HOXD4: variants seen among roughly 807,000 people sequenced by gnomAD.
The protein encoded by HOXD4 is homeobox protein Hox-D4.
In HOXD4, 15 loss-of-function variants were observed where a neutral mutation model predicts 22.6. The ratio of observed to expected loss-of-function variants is 0.67; its 90% CI spans 0.45 to 1.02. The LOEUF (loss-of-function observed/expected upper bound fraction) is 1.02. HOXD4 is among the 50% of genes least tolerant of loss of function. HOXD4 has a pLI of 0.00. For missense variants in HOXD4, 350 were observed against 346.6 expected (o/e 1.01, Z -0.08); for synonymous variants, 176 against 157.0 (o/e 1.12, Z -0.90).
Position 176,151,875 on chromosome 2 carries a change from A to T in HOXD4, c.242A>T (p.Glu81Val), listed in dbSNP as rs104893636. Residue 81 changes from glutamate (E) to valine (V), a missense_variant, in exon 1 of 2, where the codon GAG (glutamate) becomes GTG (valine). By Grantham distance (121) the Glu-to-Val change is moderately radical. Coordinates refer to ENST00000306324, the MANE Select transcript of HOXD4 (RefSeq NM_014621.3). ...SALPARGHGQ[E>V]PGGPGGHYAA... Reference sequence around the variant, plus strand: ...CTGCCTGCGCGGGGTCACGGACAAGAGCCAGGCGGCCCCGGCGGTCACTAC... The same window carrying T: ...CTGCCTGCGCGGGGTCACGGACAAGTGCCAGGCGGCCCCGGCGGTCACTAC... 1.4e-3 allele frequency: 2,261 copies of T among 1,585,294 alleles called. No homozygotes were observed. Among genetic ancestry groups the T allele is most frequent in the Non-Finnish European group, 1.8e-3 (2,100 of 1,165,486 alleles).
chr2:176,151,571 C>A lies in HOXD4; in HGVS notation c.-63C>A. 7.1e-7 allele frequency: 1 copy of A among 1,410,842 alleles called. No individual in the cohort carries two copies. Among genetic ancestry groups the A allele is most frequent in the Non-Finnish European group, 1.0e-6 (1 of 998,024 alleles). The allele number at this position is 1,410,842 out of a possible 1,614,324, so 87.4% of individuals were successfully genotyped here. ...ATTCAGTTGACAGCAAGTAGGAGGG[C>A]CCTATGGAAGGAGAAAAAAAGACAA... is the stretch of plus-strand genomic sequence containing the variant. On this transcript the variant is annotated 5_prime_UTR_variant, in exon 1 of 2. Coordinates refer to ENST00000306324, the MANE Select transcript of HOXD4 (RefSeq NM_014621.3).
chr2:176,152,996 C>A lies in HOXD4; in HGVS notation c.*54C>A. ...TGCGCACCAGGCTGAGCCGAAGCTG[C>A]GGGGGCAGGCCGGGCCTGCTGTCAC... On this transcript the variant is annotated 3_prime_UTR_variant, in exon 2 of 2. Transcript: ENST00000306324. This position sits in a 1 kb window ranked among gnomAD's most constrained non-coding sequence, Gnocchi z 5.2. The A allele has an allele frequency of 6.4e-7, 1 of 1,564,944 alleles. No individual in the cohort carries two copies. The highest frequency in any genetic ancestry group is 8.8e-7 in the Non-Finnish European group (1 of 1,135,614).
At position 176,152,458 on chromosome 2, in the gene HOXD4, G is replaced by T; in HGVS notation, c.434-150G>T. On this transcript the variant is annotated intron_variant, in intron 1 of 1. Coordinates refer to ENST00000306324, the MANE Select transcript of HOXD4 (RefSeq NM_014621.3). This position sits in a 1 kb window ranked among gnomAD's most constrained non-coding sequence, Gnocchi z 5.2. ...GGTGGGAGTGAGCGTGTGCGCCGGG[G>T]AGAGGGCGGGAGGGAGGAAGCAAGC... The T allele has an allele frequency of 1.4e-6, 1 of 709,092 alleles. No homozygotes were observed. The highest frequency in any genetic ancestry group is 1.5e-5 in the South Asian group (1 of 66,750). 43.9% of individuals were successfully genotyped at this position (709,092 alleles called of 1,614,324 possible).
At position 176,152,640 on chromosome 2, in the gene HOXD4, C is replaced by A. The variant is rs1456398188; in HGVS notation, c.466C>A (p.Arg156=). 1.9e-6 allele frequency: 3 copies of A among 1,614,070 alleles called. No homozygotes were observed. Among genetic ancestry groups the A allele is most frequent in the South Asian group, 1.1e-5 (1 of 91,080 alleles). Residue 156 remains arginine, a synonymous_variant, in exon 2 of 2, where the codon CGG becomes AGG. Coordinates refer to ENST00000306324, the MANE Select transcript of HOXD4 (RefSeq NM_014621.3). This position sits in a 1 kb window ranked among gnomAD's most constrained non-coding sequence, Gnocchi z 5.2. ...NPNYTGGEPK[R]SRTAYTRQQV... Reference sequence around the variant, plus strand: ...CAACTACACCGGTGGGGAACCCAAGCGGTCCCGAACGGCCTACACCCGGCA... The same window carrying A: ...CAACTACACCGGTGGGGAACCCAAGAGGTCCCGAACGGCCTACACCCGGCA...
At position 176,153,159 on chromosome 2, in the gene HOXD4, A is replaced by G. The variant is rs921221103; in HGVS notation, c.*217A>G. On this transcript the variant is annotated 3_prime_UTR_variant, in exon 2 of 2. Coordinates refer to ENST00000306324, the MANE Select transcript of HOXD4 (RefSeq NM_014621.3). ...GAGGGGGGGCGGGATTCTCTCTCTA[A>G]GTATATTATATGGCAGGAGCTACTG... The G allele has an allele frequency of 1.7e-6, 1 of 582,424 alleles. No homozygotes were observed. Among genetic ancestry groups the G allele is most frequent in the Non-Finnish European group, 3.1e-6 (1 of 325,606 alleles). The allele number at this position is 582,424 out of a possible 1,614,324, so 36.1% of individuals were successfully genotyped here. A position where few individuals can be genotyped will look rare whatever the true frequency, so the allele number is the denominator to read the frequency against.
At position 176,152,892 on chromosome 2, in the gene HOXD4, C is replaced by G. The variant is rs763200266; in HGVS notation, c.718C>G (p.His240Asp). 1.1e-5 allele frequency: 17 copies of G among 1,614,114 alleles called. No individual in the cohort carries two copies. Among genetic ancestry groups the G allele is most frequent in the Non-Finnish European group, 1.4e-5 (17 of 1,180,050 alleles). The change falls in exon 2 of 2, where the codon CAT becomes GAT. Residue 240 changes from histidine to aspartate, a missense_variant. Transcript: ENST00000306324. The surrounding 1 kb of genome is among the most constrained non-coding windows in gnomAD (Gnocchi z 5.2). ...SCSSSVAPSQ[H>D]LQPMAKDHHT... ...CTCCTCCTCAGTCGCCCCCAGCCAG[C>G]ATTTACAGCCGATGGCCAAAGACCA...
At position 176,152,057 on chromosome 2, in the gene HOXD4, G is replaced by A. The variant is rs375984352; in HGVS notation, c.424G>A (p.Val142Met). 4.3e-6 allele frequency: 7 copies of A among 1,613,226 alleles called. No individual in the cohort carries two copies. Among genetic ancestry groups the A allele is most frequent in the African/African-American group, 4.0e-5 (3 of 74,926 alleles). ...VVYPWMKKVH[V>M]NSVNPNYTGG... Reference sequence around the variant, plus strand: ...CTACCCCTGGATGAAGAAGGTGCACGTGAATTCGGGTAAGGCTAGGGTCCA... The same window carrying A: ...CTACCCCTGGATGAAGAAGGTGCACATGAATTCGGGTAAGGCTAGGGTCCA... The change falls in exon 1 of 2, where the codon GTG becomes ATG. Residue 142 changes from valine to methionine, a missense_variant. Val to Met is a conservative substitution (Grantham distance 21). Coordinates refer to ENST00000306324, the MANE Select transcript of HOXD4 (RefSeq NM_014621.3). The surrounding 1 kb of genome is among the most constrained non-coding windows in gnomAD (Gnocchi z 5.2).
rs1690552053 is a variant in HOXD4 at position 176,152,345 on chromosome 2, G to A, written c.434-263G>A. On this transcript the variant is annotated intron_variant, in intron 1 of 1. Coordinates refer to ENST00000306324, the MANE Select transcript of HOXD4 (RefSeq NM_014621.3). This position sits in a 1 kb window ranked among gnomAD's most constrained non-coding sequence, Gnocchi z 5.2. ...AGCGGGGGATTTCCAAAATGCTTGA[G>A]GGTTCCGGACCTGGTGGTGGGCCCA... Among the ~76,000 whole-genome samples, 2 of 152,076 alleles carry A rather than the reference G, an allele frequency of 1.3e-5. No homozygotes were observed. The highest frequency in any genetic ancestry group is 4.1e-4 in the South Asian group (2 of 4,828).
At position 176,153,022 on chromosome 2, in the gene HOXD4, C is replaced by T; in HGVS notation, c.*80C>T. 7.3e-7 allele frequency: 1 copy of T among 1,370,428 alleles called. No homozygotes were observed. Among genetic ancestry groups the T allele is most frequent in the Non-Finnish European group, 1.0e-6 (1 of 960,624 alleles). The allele number at this position is 1,370,428 out of a possible 1,614,324, so 84.9% of individuals were successfully genotyped here. On this transcript the variant is annotated 3_prime_UTR_variant, in exon 2 of 2. Coordinates refer to ENST00000306324, the MANE Select transcript of HOXD4 (RefSeq NM_014621.3). The stretch of plus-strand genomic sequence containing the variant: ...GGGGGCAGGCCGGGCCTGCTGTCAC[C>T]TCGCTGGGCTCTAAGGTACTGTGGG...
In HOXD4 at chr2:176,151,779, C is replaced by T. The variant is rs746810203; in HGVS notation, c.146C>T (p.Pro49Leu). 2 of 1,612,426 alleles carry T rather than the reference C, an allele frequency of 1.2e-6. No individual in the cohort carries two copies. The highest frequency in any genetic ancestry group is 1.7e-6 in the Non-Finnish European group (2 of 1,179,674). Reference protein sequence around the residue: ...GGAQGADFQPPGLYPRPDFGE... With the variant: ...GGAQGADFQPLGLYPRPDFGE... ...GCGCAGGGCGCAGACTTCCAGCCCC[C>T]GGGGCTCTACCCACGGCCCGACTTC... Residue 49 changes from proline to leucine, a missense_variant, in exon 1 of 2, where the codon CCG becomes CTG. Pro to Leu is a moderately conservative substitution (Grantham distance 98). Transcript: ENST00000306324.
Position 176,153,055 on chromosome 2 carries a change from T to C in HOXD4, c.*113T>C. 2 of 903,502 alleles carry C rather than the reference T, an allele frequency of 2.2e-6. No homozygotes were observed. The highest frequency in any genetic ancestry group is 3.3e-6 in the Non-Finnish European group (2 of 602,148). The allele number at this position is 903,502 out of a possible 1,614,324, so 56.0% of individuals were successfully genotyped here. Reference sequence around the variant, plus strand: ...GCTCTAAGGTACTGTGGGGTGGACCTGGGACAAGCAGGCCGCCCTCGGACT... The same window carrying C: ...GCTCTAAGGTACTGTGGGGTGGACCCGGGACAAGCAGGCCGCCCTCGGACT... On this transcript the variant is annotated 3_prime_UTR_variant, in exon 2 of 2. Transcript: ENST00000306324.
chr2:176,152,831 A>G lies in HOXD4; in HGVS notation c.657A>G (p.Lys219=), dbSNP rs1377414961. The part of the protein sequence containing the change: ...WKKDHKLPNT[K]GRSSSSSSSS... ...AAGATCATAAGCTGCCCAACACTAA[A>G]GGCAGGTCATCGTCCTCATCTTCCT... The change falls in exon 2 of 2, where the codon AAA becomes AAG. Residue 219 remains lysine (K), a synonymous_variant. Coordinates refer to ENST00000306324, the MANE Select transcript of HOXD4 (RefSeq NM_014621.3). The surrounding 1 kb of genome is among the most constrained non-coding windows in gnomAD (Gnocchi z 5.2). The G allele has an allele frequency of 6.2e-7, 1 of 1,614,178 alleles. No homozygotes were observed. The highest frequency in any genetic ancestry group is 1.1e-5 in the South Asian group (1 of 91,076).
chr2:176,151,952 C>T lies in HOXD4; in HGVS notation c.319C>T (p.Leu107=), dbSNP rs1258040588. 5 of 1,610,794 alleles carry T rather than the reference C, an allele frequency of 3.1e-6. No individual in the cohort carries two copies. The African/African-American group carries it at 6.7e-5, about 22-fold the overall frequency. ...PAPPAPPPAP[L]PGARAYSQSD... ...TCCCCCGGCGCCTCCGCCGGCGCCC[C>T]TGCCTGGCGCCCGGGCCTACAGTCA... is the stretch of plus-strand genomic sequence containing the variant. Residue 107 remains leucine, a synonymous_variant, in exon 1 of 2, where the codon CTG becomes TTG. Transcript: ENST00000306324.
At position 176,151,868 on chromosome 2, in the gene HOXD4, G is replaced by C; in HGVS notation, c.235G>C (p.Gly79Arg). 6.3e-7 allele frequency: 1 copy of C among 1,586,672 alleles called. No homozygotes were observed. ...CTCGGCGCTGCCTGCGCGGGGTCACGGACAAGAGCCAGGCGGCCCCGGCGG... is the reference window on the plus strand; with the variant it reads ...CTCGGCGCTGCCTGCGCGGGGTCACCGACAAGAGCCAGGCGGCCCCGGCGG... ...PGSALPARGH[G>R]QEPGGPGGHY... Residue 79 changes from glycine (G) to arginine (R), a missense_variant, in exon 1 of 2, where the codon GGA (glycine) becomes CGA (arginine). Coordinates refer to ENST00000306324, the MANE Select transcript of HOXD4 (RefSeq NM_014621.3).
In HOXD4 at chr2:176,152,057, G is replaced by T. The variant is rs375984352; in HGVS notation, c.424G>T (p.Val142Leu). The change falls in exon 1 of 2, where the codon GTG becomes TTG. Residue 142 changes from valine (V) to leucine (L), a missense_variant. Val to Leu is a conservative substitution (Grantham distance 32). Coordinates refer to ENST00000306324, the MANE Select transcript of HOXD4 (RefSeq NM_014621.3). This position sits in a 1 kb window ranked among gnomAD's most constrained non-coding sequence, Gnocchi z 5.2. ...VVYPWMKKVHVNSVNPNYTGG... is the reference protein window; with the variant it reads ...VVYPWMKKVHLNSVNPNYTGG... ...CTACCCCTGGATGAAGAAGGTGCAC[G>T]TGAATTCGGGTAAGGCTAGGGTCCA... The T allele has an allele frequency of 3.7e-6, 6 of 1,613,226 alleles. No homozygotes were observed. In the East Asian group the frequency reaches 1.1e-4, roughly 30 times the overall value.
Position 176,152,909 on chromosome 2 carries a change from C to CA in HOXD4, c.738dup (p.Asp247ArgfsTer57), listed in dbSNP as rs1690573097. ...CCAGCCAGCATTTACAGCCGATGGC[C>CA]AAAGACCACCACACGGACCTGACGA... On this transcript the variant is annotated frameshift_variant, in exon 2 of 2. Coordinates refer to ENST00000306324, the MANE Select transcript of HOXD4 (RefSeq NM_014621.3). LOFTEE classifies it high-confidence loss of function. This position sits in a 1 kb window ranked among gnomAD's most constrained non-coding sequence, Gnocchi z 5.2. 1.9e-6 allele frequency: 3 copies of CA among 1,614,084 alleles called. No homozygotes were observed. In the Admixed American group the frequency reaches 5.0e-5, roughly 27 times the overall value.
In HOXD4 at chr2:176,153,176, G is replaced by A. The variant is rs1690581184; in HGVS notation, c.*234G>A. 1 of 558,820 alleles carries A rather than the reference G, an allele frequency of 1.8e-6. No individual in the cohort carries two copies. Among genetic ancestry groups the A allele is most frequent in the Non-Finnish European group, 3.2e-6 (1 of 313,430 alleles). The allele number at this position is 558,820 out of a possible 1,614,324, so 34.6% of individuals were successfully genotyped here. A position where few individuals can be genotyped will look rare whatever the true frequency, so the allele number is the denominator to read the frequency against. On this transcript the variant is annotated 3_prime_UTR_variant, in exon 2 of 2. Transcript: ENST00000306324. ...TCTCTCTAAGTATATTATATGGCAG[G>A]AGCTACTGAGAACATAAAATCTTGG...
rs1273106662 is a variant in HOXD4, at chr2:176,151,909, A to T, written c.276A>T (p.Pro92=). The T allele has an allele frequency of 1.9e-5, 31 of 1,596,164 alleles. No homozygotes were observed. In the East Asian group the frequency reaches 6.6e-4, roughly 34 times the overall value. Residue 92 remains proline, a synonymous_variant, in exon 1 of 2, where the codon CCA becomes CCT. Transcript: ENST00000306324. The stretch of plus-strand genomic sequence containing the variant: ...GCCCCGGCGGTCACTACGCCGCTCC[A>T]GGAGAGCCTTGCCCAGCTCCCCCGG... The part of the protein sequence containing the change: ...PGGPGGHYAA[P]GEPCPAPPAP...
chr2:176,151,700 T>G lies in HOXD4; in HGVS notation c.67T>G (p.Tyr23Asp). The change falls in exon 1 of 2, where the codon TAT (tyrosine) becomes GAT (aspartate). Residue 23 changes from tyrosine to aspartate, a missense_variant. Transcript: ENST00000306324. ...CCCCAAGTTCCCTCCGTGCGAGGAG[T>G]ATTTGCAGGGCGGCTACCTAGGCGA... Reference protein sequence around the residue: ...VDPKFPPCEEYLQGGYLGEQG... With the variant: ...VDPKFPPCEEDLQGGYLGEQG... 1 of 1,613,362 alleles carries G rather than the reference T, an allele frequency of 6.2e-7. No individual in the cohort carries two copies. Among genetic ancestry groups the G allele is most frequent in the Non-Finnish European group, 8.5e-7 (1 of 1,179,956 alleles).
Sources: allele counts gnomAD v4.1 joint callset (sites outside exome capture counted in the v4.1 genomes callset), GRCh38; gene constraint gnomAD v4.1.1; non-coding constraint Gnocchi (gnomAD v3.1); transcripts MANE v1.5; gene names NCBI Gene and HGNC (gene_info 2026-07-23, HGNC 2026-07-21).